POU6F2: variants seen among roughly 807,000 people sequenced by gnomAD.
POU6F2 encodes POU class 6 homeobox 2.
A neutral mutation model predicts 71.3 loss-of-function variants in POU6F2; 31 were observed. The ratio of observed to expected loss-of-function variants is 0.43; its 90% CI spans 0.33 to 0.59. The LOEUF (loss-of-function observed/expected upper bound fraction) is 0.59, where lower values mean the gene tolerates loss of function less well. POU6F2 is among the 20% of genes least tolerant of loss of function. The probability of loss-of-function intolerance (pLI) is 0.04; values close to 1 mark genes in which losing one functional copy is unlikely to be tolerated. For missense variants in POU6F2, 783 were observed against 856.8 expected, an observed-to-expected ratio of 0.91 and a Z score of 1.07; for synonymous variants, 347 against 355.7, an observed-to-expected ratio of 0.98 and a Z score of 0.27.
At chr7:39,379,752 TG>T (rs1422435918) in intron 5 of POU6F2, among the ~76,000 whole-genome samples, 1 of 152,198 alleles carries the variant, frequency 6.6e-6, no homozygotes, top group East Asian at 1.9e-4. Context: ...CATCCTGCCT[TG>T]CCCTCCTATC....
chr7:39,055,120 G>GA (rs1790481652), intron 1 of POU6F2, among the ~76,000 whole-genome samples: 1 of 152,132 alleles, frequency 6.6e-6, no homozygotes, highest in Non-Finnish European at 1.5e-5. Flanking sequence ...TTGTAGGAAC[G>GA]AAGTAGACGT....
chr7:39,010,531 T>C (rs934175060), intron 1 of POU6F2, among the ~76,000 whole-genome samples: 2 of 150,730 alleles, frequency 1.3e-5, no homozygotes, highest in Non-Finnish European at 3.0e-5. Flanking sequence ...CCTTCAGTTG[T>C]GCTCTGATTT....
chr7:39,003,844 T>C (rs1788983432), intron 1 of POU6F2, among the ~76,000 whole-genome samples: 1 of 152,108 alleles, frequency 6.6e-6, no homozygotes, highest in African/African-American at 2.4e-5. Flanking sequence ...GGTATATGCT[T>C]ATGATATAAT....
chr7:39,179,306 G>A (rs931598726), intron 2 of POU6F2, among the ~76,000 whole-genome samples: 3 of 152,164 alleles, frequency 2.0e-5, no homozygotes, highest in East Asian at 1.9e-4. Flanking sequence ...CCAATTCTGC[G>A]ACTTTTAGTG....
chr7:39,331,509 T>C lies in POU6F2; in HGVS notation c.599-8133T>C, dbSNP rs191537847. Among the ~76,000 whole-genome samples the C allele has an allele frequency of 2.0e-5, 3 of 151,434 alleles. No homozygotes were observed. In the East Asian group the frequency reaches 5.8e-4, roughly 29 times the overall value. On this transcript the variant is annotated intron_variant, in intron 4 of 9. Coordinates refer to ENST00000518318, the MANE Select transcript of POU6F2 (RefSeq NM_001370959.1). The stretch of plus-strand genomic sequence containing the variant: ...CACTCCGGTTTTGTTTTGTTTTGTT[T>C]TGTTGTTGTTGTTTTTGAAATGGAG...
At chr7:39,077,796 T>A (rs1271520288) in intron 1 of POU6F2, among the ~76,000 whole-genome samples, 2 of 152,204 alleles carry the variant, frequency 1.3e-5, no homozygotes, top group African/African-American at 4.8e-5. Flanking sequence ...TAACCAAATA[T>A]TCCCTAGATA....
chr7:39,066,378 T>C (rs1011886774), intron 1 of POU6F2, among the ~76,000 whole-genome samples: 2 of 151,752 alleles, frequency 1.3e-5, no homozygotes, highest in African/African-American at 4.8e-5. Flanking sequence ...CTTAGTGTTA[T>C]GAGATATGAA....
At chr7:39,148,569 G>GTGATGA (rs974956341) in intron 2 of POU6F2, among the ~76,000 whole-genome samples, 1 of 151,954 alleles carries the variant, frequency 6.6e-6, no homozygotes, top group Non-Finnish European at 1.5e-5. Flanking sequence ...GATAATGATG[G>GTGATGA]TGATGATGAT....
intron 1 of POU6F2, among the ~76,000 whole-genome samples, chr7:39,032,562 T>G (rs1789968195): frequency 6.6e-6 from 1 of 152,204 alleles, no homozygotes; most frequent in Non-Finnish European, 1.5e-5. Flanking sequence ...AAGTAGCGCA[T>G]CCTGTGGAAG....
intron 4 of POU6F2, among the ~76,000 whole-genome samples, chr7:39,317,263 A>T (rs1460277958): frequency 6.6e-6 from 1 of 152,200 alleles, no homozygotes; most frequent in African/African-American, 2.4e-5. Flanking sequence ...CCAGTCAGCT[A>T]AGCCTGCACA....
intron 1 of POU6F2, chr7:39,012,991 GC>G (rs1176086397): frequency 6.6e-6 from 1 of 152,254 alleles, no homozygotes; most frequent in East Asian, 1.9e-4. Context: ...GTTTGTCTGT[GC>G]CCTGCCCCCA....
intron 1 of POU6F2, among the ~76,000 whole-genome samples, chr7:39,045,463 T>G (rs1790273786): frequency 6.6e-6 from 1 of 151,902 alleles, no homozygotes; most frequent in South Asian, 2.1e-4. Flanking sequence ...CCAGTATCTG[T>G]TTGCCATAAA....
At chr7:39,317,766 CCTACCTTCTTCT>C (rs1262665593) in intron 4 of POU6F2, among the ~76,000 whole-genome samples, 8 of 152,142 alleles carry the variant, frequency 5.3e-5, no homozygotes, top group African/African-American at 1.9e-4. Context: ...GATAAACAAT[CCTACCTTCTTCT>C]CTGTGTGCAC....
chr7:39,027,382 T>C (rs1056392339), intron 1 of POU6F2, among the ~76,000 whole-genome samples: 20 of 152,292 alleles, frequency 1.3e-4, no homozygotes, highest in Non-Finnish European at 2.5e-4. Flanking sequence ...GCTTCTATAA[T>C]GCAAATTAGG....
At chr7:39,178,299 T>TGTTTATA (rs1793370262) in intron 2 of POU6F2, among the ~76,000 whole-genome samples, 1 of 152,082 alleles carries the variant, frequency 6.6e-6, no homozygotes. Context: ...CATTTTACTA[T>TGTTTATA]TCCCCATTTT....
intron 1 of POU6F2, among the ~76,000 whole-genome samples, chr7:39,042,819 C>T (rs1790216428): frequency 6.6e-6 from 1 of 150,890 alleles, no homozygotes. Context: ...TTCTATGTGG[C>T]TGGCTAAGTC....
intron 8 of POU6F2, among the ~76,000 whole-genome samples, chr7:39,458,296 A>ATCCGG (rs956044089): frequency 2.1e-4 from 32 of 152,172 alleles, no homozygotes; most frequent in South Asian, 2.1e-4. Flanking sequence ...GCAAATGTAC[A>ATCCGG]TCCGGAGCAG....
intron 1 of POU6F2, among the ~76,000 whole-genome samples, chr7:39,071,958 T>C (rs1183345022): frequency 6.6e-6 from 1 of 152,210 alleles, no homozygotes; most frequent in African/African-American, 2.4e-5. Flanking sequence ...GAGTTTTGCT[T>C]GGCATACTAA....
chr7:39,100,493 A>G (rs146901392), intron 2 of POU6F2, among the ~76,000 whole-genome samples: 7 of 152,208 alleles, frequency 4.6e-5, no homozygotes, highest in Non-Finnish European at 2.9e-5. Flanking sequence ...CACATTTTTA[A>G]TTACATATTC....
Sources: allele counts gnomAD v4.1 joint callset (sites outside exome capture counted in the v4.1 genomes callset), GRCh38; gene constraint gnomAD v4.1.1; transcripts MANE v1.5; gene names NCBI Gene and HGNC (gene_info 2026-07-23, HGNC 2026-07-21).